RAB24: variants seen among roughly 807,000 people sequenced by gnomAD.
RAB24 encodes the protein RAB24, member RAS oncogene family.
In RAB24, 9 loss-of-function variants were observed where a neutral mutation model predicts 31.4. That is an observed-to-expected ratio of 0.29 (90% CI 0.17 to 0.50). The LOEUF is 0.50. Among genes scored for constraint, RAB24 ranks in the 20% least tolerant of loss-of-function variants. RAB24 has a pLI of 0.98. For missense variants in RAB24, 197 were observed against 265.2 expected, an observed-to-expected ratio of 0.74 and a Z score of 1.79; for synonymous variants, 106 against 94.1, an observed-to-expected ratio of 1.13 and a Z score of -0.73.
chr5:177,301,970 C>G lies in RAB24; in HGVS notation c.502G>C (p.Val168Leu). 1 of 1,614,248 alleles carries G rather than the reference C, an allele frequency of 6.2e-7. No individual in the cohort carries two copies. Among genetic ancestry groups the G allele is most frequent in the African/African-American group, 1.3e-5 (1 of 75,066 alleles). Residue 168 changes from valine to leucine, a missense_variant, in exon 7 of 8, where the codon GTG becomes CTG. Physicochemically the swap from Val to Leu is conservative, Grantham distance 32. Around this residue, in one of 2 missense-constraint regions of RAB24, gnomAD observed 148 missense variants for 159.7 expected, o/e 0.93. Coordinates refer to ENST00000303251, the MANE Select transcript of RAB24 (RefSeq NM_001031677.4). ...GQSVDELFQK[V>L]AEDYVSVAAF... ...GCCACACTGACGTAATCCTCTGCCA[C>G]TTTCTGGAAGAGCTCGTCTGGCAGG...
In RAB24 at chr5:177,301,643, T is replaced by C. The variant is rs1161261561; in HGVS notation, c.*100A>G. 20 of 1,368,452 alleles carry C rather than the reference T, an allele frequency of 1.5e-5. No individual in the cohort carries two copies. Among genetic ancestry groups the C allele is most frequent in the African/African-American group, 7.2e-5 (5 of 69,752 alleles). The allele number at this position is 1,368,452 out of a possible 1,614,324, so 84.8% of individuals were successfully genotyped here. On this transcript the variant is annotated 3_prime_UTR_variant, in exon 8 of 8. Coordinates refer to ENST00000303251, the MANE Select transcript of RAB24 (RefSeq NM_001031677.4). ...GCGCCACTCTGCTGACATGAGGACCTGGGGTAGCTCAGACATTTGACTACC... is the reference window on the plus strand; with the variant it reads ...GCGCCACTCTGCTGACATGAGGACCCGGGGTAGCTCAGACATTTGACTACC...
At chr5:177,302,372 C>G (rs750317829) in intron 5 of RAB24, 25 bp downstream of exon 5, 1 of 1,611,554 alleles carries the variant, frequency 6.2e-7, no homozygotes, top group Admixed American at 1.7e-5. Flanking sequence ...CACCCCCACC[C>G]CCCAAAGGGC....
In RAB24 at chr5:177,301,589, G is replaced by T; in HGVS notation, c.*154C>A. ...TCATGCCCACAGTCAGCCCAATGCT[G>T]TCTCCGTTCCATGGGCCAGCACAGG... is the stretch of plus-strand genomic sequence containing the variant. On this transcript the variant is annotated 3_prime_UTR_variant, in exon 8 of 8. Transcript: ENST00000303251. 1.2e-6 allele frequency: 1 copy of T among 819,656 alleles called. No individual in the cohort carries two copies. Among genetic ancestry groups the T allele is most frequent in the Non-Finnish European group, 2.0e-6 (1 of 511,936 alleles). The allele number at this position is 819,656 out of a possible 1,614,324, so 50.8% of individuals were successfully genotyped here.
rs1418622719 is a variant in RAB24, at chr5:177,302,001, T to C, written c.485-14A>G. 6.2e-7 allele frequency: 1 copy of C among 1,613,874 alleles called. No homozygotes were observed. The highest frequency in any genetic ancestry group is 8.5e-7 in the Non-Finnish European group (1 of 1,179,838). ...GGAAGAGCTCGTCTGGCAGGAAAAA[T>C]GATGATCAGCGAGGGCCCAATGCCA... is the stretch of plus-strand genomic sequence containing the variant. On this transcript the variant is annotated splice_polypyrimidine_tract_variant and intron_variant, in intron 6 of 7. Transcript: ENST00000303251.
In RAB24 at chr5:177,303,050, C is replaced by A; in HGVS notation, c.145G>T (p.Val49Leu). 6.2e-7 allele frequency: 1 copy of A among 1,614,118 alleles called. No homozygotes were observed. The highest frequency in any genetic ancestry group is 8.5e-7 in the Non-Finnish European group (1 of 1,180,042). The stretch of plus-strand genomic sequence containing the variant: ...ACAGTCCGGTCTCCGACCGACATCA[C>A]CTTGGCCACGAAGGCGGCCCCGATG... Reference protein sequence around the residue: ...NTIGAAFVAKVMSVGDRTVTL... With the variant: ...NTIGAAFVAKLMSVGDRTVTL... The change falls in exon 2 of 8, where the codon GTG becomes TTG. Residue 49 changes from valine to leucine, a missense_variant. Coordinates refer to ENST00000303251, the MANE Select transcript of RAB24 (RefSeq NM_001031677.4). This position sits in a 1 kb window ranked among gnomAD's most constrained non-coding sequence, Gnocchi z 6.1.
chr5:177,302,023 G>GC, intron 6 of RAB24, 36 bp from the exon 7 acceptor site: 1 of 1,612,276 alleles, frequency 6.2e-7, no homozygotes, highest in Non-Finnish European at 8.5e-7. Flanking sequence ...AGGGCCCAAT[G>GC]CCAGTAGCCC....
In RAB24 at chr5:177,303,103, G is replaced by A. The variant is rs751091373; in HGVS notation, c.118-26C>T. Reference sequence around the variant, plus strand: ...CTGCAACGAGAGGGAAGAGATCGGGGCCATAGGTGCAGATTACCGGCCCCC... The same window carrying A: ...CTGCAACGAGAGGGAAGAGATCGGGACCATAGGTGCAGATTACCGGCCCCC... On this transcript the variant is annotated intron_variant, in intron 1 of 7. Transcript: ENST00000303251. This position sits in a 1 kb window ranked among gnomAD's most constrained non-coding sequence, Gnocchi z 6.1. 141 of 1,613,922 alleles carry A rather than the reference G, an allele frequency of 8.7e-5. No homozygotes were observed. Among genetic ancestry groups the A allele is most frequent in the Non-Finnish European group, 1.1e-4 (133 of 1,179,964 alleles).
In RAB24 at chr5:177,301,636, G is replaced by T; in HGVS notation, c.*107C>A. ...CAGGCAGGCGCCACTCTGCTGACAT[G>T]AGGACCTGGGGTAGCTCAGACATTT... On this transcript the variant is annotated 3_prime_UTR_variant, in exon 8 of 8. Coordinates refer to ENST00000303251, the MANE Select transcript of RAB24 (RefSeq NM_001031677.4). 1 of 1,296,312 alleles carries T rather than the reference G, an allele frequency of 7.7e-7. No individual in the cohort carries two copies. Among genetic ancestry groups the T allele is most frequent in the South Asian group, 1.2e-5 (1 of 80,756 alleles). 80.3% of individuals were successfully genotyped at this position (1,296,312 alleles called of 1,614,324 possible).
In RAB24 at chr5:177,303,671, A is replaced by C; in HGVS notation, c.-383T>G. 2 of 365,190 alleles carry C rather than the reference A, an allele frequency of 5.5e-6. No individual in the cohort carries two copies. The highest frequency in any genetic ancestry group is 4.9e-6 in the Non-Finnish European group (1 of 203,070). The allele number at this position is 365,190 out of a possible 1,614,324, so 22.6% of individuals were successfully genotyped here. A position where few individuals can be genotyped will look rare whatever the true frequency, so the allele number is the denominator to read the frequency against. On this transcript the variant is annotated 5_prime_UTR_variant, in exon 1 of 8. Transcript: ENST00000303251. This position sits in a 1 kb window ranked among gnomAD's most constrained non-coding sequence, Gnocchi z 6.1. ...CCAACCGAACCTGGGGTCTCCCGCA[A>C]CCCGGCTCCTACCCGCAGCGCCGCG...
Position 177,301,726 on chromosome 5 carries a change from G to A in RAB24, c.*17C>T. On this transcript the variant is annotated 3_prime_UTR_variant, in exon 8 of 8. Transcript: ENST00000303251. ...CGGGGAATTCCTTTAATTCCCCCAG[G>A]CCAGGTGAGTGCTGACTCAGTGATG... is the stretch of plus-strand genomic sequence containing the variant. 6.2e-7 allele frequency: 1 copy of A among 1,613,812 alleles called. No homozygotes were observed. Among genetic ancestry groups the A allele is most frequent in the Non-Finnish European group, 8.5e-7 (1 of 1,179,678 alleles).
Position 177,302,115 on chromosome 5 carries a change from G to C in RAB24, c.484+13C>G. The C allele has an allele frequency of 6.2e-7, 1 of 1,613,974 alleles. No individual in the cohort carries two copies. The highest frequency in any genetic ancestry group is 8.5e-7 in the Non-Finnish European group (1 of 1,179,810). ...TGCATGTTCCTGCTGTGAGGCTCCA[G>C]CACAGCACTCACCCACACTCTGGCC... On this transcript the variant is annotated intron_variant, in intron 6 of 7. Transcript: ENST00000303251.
rs770960978 is a variant in RAB24, at chr5:177,302,438, C to T, written c.392G>A (p.Arg131His). 3.3e-5 allele frequency: 53 copies of T among 1,613,622 alleles called. 1 individual carries two copies. The highest frequency in any genetic ancestry group is 1.5e-4 in the Admixed American group (9 of 60,010). ...GACGTCGTGGAAGTCCACACGTCGA[C>T]GCCTCCGGTCTTCTTCCAGCAGGTC... is the stretch of plus-strand genomic sequence containing the variant. ...KSDLLEEDRR[R>H]RRVDFHDVQD... Residue 131 changes from arginine (R) to histidine (H), a missense_variant, in exon 5 of 8, where the codon CGT (arginine) becomes CAT (histidine). By Grantham distance (29) the Arg-to-His change is conservative (BLOSUM62 0). Coordinates refer to ENST00000303251, the MANE Select transcript of RAB24 (RefSeq NM_001031677.4).
At chr5:177,302,986 G>C (rs201815375) in intron 2 of RAB24, 23 bp downstream of exon 2, 8 of 1,612,722 alleles carry the variant, frequency 5.0e-6, no homozygotes, top group Non-Finnish European at 6.8e-6. Context: ...AGTCTCCCAA[G>C]AATAGATGGC....
rs549346452 is a variant in RAB24 at position 177,301,491 on chromosome 5, C to T, written c.*252G>A. 3.1e-4 allele frequency: 170 copies of T among 555,604 alleles called. 4 individuals are homozygous for T. The highest frequency in any genetic ancestry group is 3.0e-3 in the South Asian group (142 of 46,794). The allele number at this position is 555,604 out of a possible 1,614,324, so 34.4% of individuals were successfully genotyped here. ...ACTGATTTTATTTACAGATCAAAAG[C>T]CACTTAAATAATCTGCAGACACAAG... On this transcript the variant is annotated 3_prime_UTR_variant, in exon 8 of 8. Coordinates refer to ENST00000303251, the MANE Select transcript of RAB24 (RefSeq NM_001031677.4).
At position 177,301,614 on chromosome 5, in the gene RAB24, G is replaced by A. The variant is rs1418030619; in HGVS notation, c.*129C>T. On this transcript the variant is annotated 3_prime_UTR_variant, in exon 8 of 8. Coordinates refer to ENST00000303251, the MANE Select transcript of RAB24 (RefSeq NM_001031677.4). ...GTCTCCGTTCCATGGGCCAGCACAG[G>A]CAGGCGCCACTCTGCTGACATGAGG... The A allele has an allele frequency of 1.9e-6, 2 of 1,034,544 alleles. No homozygotes were observed. The highest frequency in any genetic ancestry group is 2.9e-6 in the Non-Finnish European group (2 of 686,196). The allele number at this position is 1,034,544 out of a possible 1,614,324, so 64.1% of individuals were successfully genotyped here.
Position 177,302,744 on chromosome 5 carries a change from C to A in RAB24, c.265+8G>T, listed in dbSNP as rs1461391268. On this transcript the variant is annotated splice_region_variant and intron_variant, in intron 3 of 7. Coordinates refer to ENST00000303251, the MANE Select transcript of RAB24 (RefSeq NM_001031677.4). ...TTGTGAGACAGCCCAAACCCCCCCC[C>A]CCCTTACCATAGCAGACGATGGCAG... 2.5e-6 allele frequency: 4 copies of A among 1,602,218 alleles called. No individual in the cohort carries two copies. Among genetic ancestry groups the A allele is most frequent in the African/African-American group, 1.3e-5 (1 of 74,442 alleles).
Position 177,302,082 on chromosome 5 carries a change from GGT to G in RAB24, c.484+44_484+45del. 1.9e-6 allele frequency: 3 copies of G among 1,611,898 alleles called. No individual in the cohort carries two copies. In the East Asian group the frequency reaches 6.7e-5, roughly 36 times the overall value. On this transcript the variant is annotated intron_variant, in intron 6 of 7. Coordinates refer to ENST00000303251, the MANE Select transcript of RAB24 (RefSeq NM_001031677.4). ...CTCTGTGCCCTATTCAGCTTCCTCT[GGT>G]GCCCCTGCATGTTCCTGCTGTGAGG...
At position 177,303,529 on chromosome 5, in the gene RAB24, G is replaced by A. The variant is rs1581583759; in HGVS notation, c.-241C>T. The A allele has an allele frequency of 1.7e-6, 1 of 585,106 alleles. No individual in the cohort carries two copies. Among genetic ancestry groups the A allele is most frequent in the South Asian group, 2.0e-5 (1 of 49,732 alleles). The allele number at this position is 585,106 out of a possible 1,614,324, so 36.2% of individuals were successfully genotyped here. On this transcript the variant is annotated 5_prime_UTR_variant, in exon 1 of 8. Coordinates refer to ENST00000303251, the MANE Select transcript of RAB24 (RefSeq NM_001031677.4). This position sits in a 1 kb window ranked among gnomAD's most constrained non-coding sequence, Gnocchi z 6.1. ...TTATCCTTCGAAGACCCCAAGCCTC[G>A]GGGCGGCCTGGGAGCGCGCGGGACA...
chr5:177,302,816 A>T lies in RAB24; in HGVS notation c.201T>A (p.Ser67=). 6.4e-7 allele frequency: 1 copy of T among 1,561,812 alleles called. No homozygotes were observed. The highest frequency in any genetic ancestry group is 8.7e-7 in the Non-Finnish European group (1 of 1,148,792). The change falls in exon 3 of 8, where the codon TCT becomes TCA. Residue 67 remains serine, a synonymous_variant. Coordinates refer to ENST00000303251, the MANE Select transcript of RAB24 (RefSeq NM_001031677.4). ...VTLGIWDTAG[S]ERYEAMSRIY... is the part of the protein sequence containing the mutation. Reference sequence around the variant, plus strand: ...TTCTACTCATGGCCTCATAGCGCTCAGAGCCTGCTGTGTCCTAAAGAGTAA... The same window carrying T: ...TTCTACTCATGGCCTCATAGCGCTCTGAGCCTGCTGTGTCCTAAAGAGTAA...
Sources: allele counts gnomAD v4.1 joint callset, GRCh38; gene constraint gnomAD v4.1.1; regional missense constraint gnomAD v4.1.1; non-coding constraint Gnocchi (gnomAD v3.1); transcripts MANE v1.5; gene names NCBI Gene and HGNC (gene_info 2026-07-23, HGNC 2026-07-21).